TFCP2L1: variants seen among roughly 807,000 people sequenced by gnomAD.
TFCP2L1 encodes transcription factor CP2-like protein 1.
TFCP2L1 carries 12 observed loss-of-function variants against 72.2 expected under a neutral mutation model. The ratio of observed to expected loss-of-function variants is 0.17; its 90% CI spans 0.11 to 0.27. The LOEUF (loss-of-function observed/expected upper bound fraction) is 0.27. Ranked by LOEUF, TFCP2L1 falls within the 10% of genes least tolerant of loss-of-function variation. The pLI is 1.00. For synonymous variants in TFCP2L1, 260 were observed against 251.0 expected (o/e 1.04, Z -0.34); for missense variants, 488 against 624.6 (o/e 0.78, Z 2.33).
In TFCP2L1 at chr2:121,246,872, A is replaced by G. The variant is rs758011794; in HGVS notation, c.603T>C (p.Asn201=). The change falls in exon 6 of 15, where the codon AAT becomes AAC. Residue 201 remains asparagine, a synonymous_variant. Coordinates refer to ENST00000263707, the MANE Select transcript of TFCP2L1 (RefSeq NM_014553.3). ...AGTGCAGGTGCTCCGTGTACTCCCC[A>G]TTCTCGTTCTGCTTAAACGTGTCAA... The part of the protein sequence containing the change: ...VQIDTFKQNE[N]GEYTEHLHSA... 6.2e-7 allele frequency: 1 copy of G among 1,614,100 alleles called. No individual in the cohort carries two copies.
intron 10 of TFCP2L1, among the ~76,000 whole-genome samples, chr2:121,236,622 C>T (rs2104677540): frequency 6.6e-6 from 1 of 152,296 alleles, no homozygotes; most frequent in South Asian, 2.1e-4. Context: ...TTCCTTTCCA[C>T]TGGGAGTAAA....
intron 13 of TFCP2L1, among the ~76,000 whole-genome samples, chr2:121,226,730 A>G (rs112597732): frequency 0.023 from 3,568 of 152,330 alleles, 150 homozygotes; most frequent in African/African-American, 0.08. Context: ...TCTGTAAAAC[A>G]GGGCTGATTT....
Position 121,235,113 on chromosome 2 carries a change from TC to T in TFCP2L1, c.1094+107del. On this transcript the variant is annotated intron_variant, in intron 11 of 14. Coordinates refer to ENST00000263707, the MANE Select transcript of TFCP2L1 (RefSeq NM_014553.3). ...TTGACCCCACACTGCAGGAGTCCTG[TC>T]CCCCCAGCCAGACCACCCACCATCC... The T allele has an allele frequency of 5.1e-6, 6 of 1,172,296 alleles. No individual in the cohort carries two copies. In the East Asian group the frequency reaches 7.2e-5, roughly 14 times the overall value. The allele number at this position is 1,172,296 out of a possible 1,614,324, so 72.6% of individuals were successfully genotyped here.
chr2:121,283,234 G>T (rs1558749949), intron 1 of TFCP2L1, among the ~76,000 whole-genome samples: 2 of 152,144 alleles, frequency 1.3e-5, no homozygotes, highest in South Asian at 4.1e-4. Flanking sequence ...AAACAGAAAG[G>T]GGGAAGGGAG....
At chr2:121,266,144 CTT>C (rs35281668) in intron 2 of TFCP2L1, among the ~76,000 whole-genome samples, 3,424 of 145,664 alleles carry the variant, frequency 0.024, 151 homozygotes, top group African/African-American at 0.081. Flanking sequence ...GGGATTTAAT[CTT>C]TTTTTTTTTT....
chr2:121,233,940 T>C, intron 12 of TFCP2L1, 151 bp downstream of exon 12: 4 of 687,376 alleles, frequency 5.8e-6, no homozygotes, highest in Non-Finnish European at 1.0e-5. Flanking sequence ...GCAAGGAGCA[T>C]GCACTAGGCT....
chr2:121,231,979 G>A lies in TFCP2L1; in HGVS notation c.1199-11C>T. ...AGATGGCGTGGTACACTGGGGGAAG[G>A]AGGAGCAAGTGCTGCTTTCCAAGTG... On this transcript the variant is annotated splice_polypyrimidine_tract_variant and intron_variant, in intron 12 of 14. Transcript: ENST00000263707. The A allele has an allele frequency of 6.4e-7, 1 of 1,573,846 alleles. No homozygotes were observed. The highest frequency in any genetic ancestry group is 8.7e-7 in the Non-Finnish European group (1 of 1,155,010).
In TFCP2L1 at chr2:121,249,013, C is replaced by A; in HGVS notation, c.366G>T (p.Trp122Cys). The A allele has an allele frequency of 1.2e-6, 2 of 1,603,624 alleles. No homozygotes were observed. Among genetic ancestry groups the A allele is most frequent in the Non-Finnish European group, 1.7e-6 (2 of 1,175,560 alleles). Residue 122 changes from tryptophan to cysteine, a missense_variant, in exon 4 of 15, where the codon TGG becomes TGT. By Grantham distance (215) the Trp-to-Cys change is radical. Transcript: ENST00000263707. ...CCAGGATCCGGTCCCCTGGCCGACT[C>A]CACCGCCAGCCCTCCAGCTGCTGGT... is the stretch of plus-strand genomic sequence containing the variant. ...TEHQQLEGWR[W>C]SRPGDRILDI...
At chr2:121,284,151 G>A (rs1018817783) in intron 1 of TFCP2L1, among the ~76,000 whole-genome samples, 1 of 152,184 alleles carries the variant, frequency 6.6e-6, no homozygotes, top group Non-Finnish European at 1.5e-5. Context: ...GGCTGTCAAT[G>A]CCTGTGACTC....
intron 6 of TFCP2L1, 60 bp downstream of exon 6, chr2:121,246,758 G>C: frequency 1.2e-6 from 2 of 1,601,496 alleles, no homozygotes; most frequent in African/African-American, 1.3e-5. Flanking sequence ...CTCTGTGGGC[G>C]AATGTGACCA....
Position 121,220,075 on chromosome 2 carries a change from A to G in TFCP2L1, c.*4266T>C, listed in dbSNP as rs1371122071. Reference sequence around the variant, plus strand: ...ACTTTCTCCCTCTGCTCCACTGACAACAGCCTAAGAGGCTTTTCCGTTTAT... The same window carrying G: ...ACTTTCTCCCTCTGCTCCACTGACAGCAGCCTAAGAGGCTTTTCCGTTTAT... On this transcript the variant is annotated 3_prime_UTR_variant, in exon 15 of 15. Coordinates refer to ENST00000263707, the MANE Select transcript of TFCP2L1 (RefSeq NM_014553.3). 1 of 150,990 alleles carries G rather than the reference A, an allele frequency of 6.6e-6. No individual in the cohort carries two copies. The highest frequency in any genetic ancestry group is 1.5e-5 in the Non-Finnish European group (1 of 67,896). The allele number at this position is 150,990 out of a possible 1,614,324, so 9.4% of individuals were successfully genotyped here. A position where few individuals can be genotyped will look rare whatever the true frequency, so the allele number is the denominator to read the frequency against.
intron 14 of TFCP2L1, among the ~76,000 whole-genome samples, chr2:121,224,693 T>C (rs1685987779): frequency 6.6e-6 from 1 of 152,116 alleles, no homozygotes; most frequent in African/African-American, 2.4e-5. Context: ...CCAAAGACAC[T>C]TGGTGGTGGC....
Position 121,249,096 on chromosome 2 carries a change from G to A in TFCP2L1, c.292-9C>T. 20 of 1,551,856 alleles carry A rather than the reference G, an allele frequency of 1.3e-5. No homozygotes were observed. Among genetic ancestry groups the A allele is most frequent in the Non-Finnish European group, 1.6e-5 (18 of 1,146,530 alleles). On this transcript the variant is annotated splice_polypyrimidine_tract_variant and intron_variant, in intron 3 of 14. Coordinates refer to ENST00000263707, the MANE Select transcript of TFCP2L1 (RefSeq NM_014553.3). ...ACCACACGGATGATGCTCTGGGGAG[G>A]GAGGCCAGCAGGGAAACAAGTGACC...
At chr2:121,237,561 G>A in intron 10 of TFCP2L1, 62 bp downstream of exon 10, 1 of 1,566,882 alleles carries the variant, frequency 6.4e-7, no homozygotes. Context: ...CCTGGAAGGT[G>A]GCCAGCCTTG....
At position 121,224,014 on chromosome 2, in the gene TFCP2L1, C is replaced by T. The variant is rs1685974532; in HGVS notation, c.*327G>A. ...CAGCACCAAGATACCCAATCAGCTT[C>T]CAACTAAGGGATGAGGGATTTCAGA... On this transcript the variant is annotated 3_prime_UTR_variant, in exon 15 of 15. Transcript: ENST00000263707. The T allele has an allele frequency of 5.5e-6, 2 of 366,430 alleles. No homozygotes were observed. The highest frequency in any genetic ancestry group is 7.6e-5 in the South Asian group (2 of 26,438). 22.7% of individuals were successfully genotyped at this position (366,430 alleles called of 1,614,324 possible). A position where few individuals can be genotyped will look rare whatever the true frequency, so the allele number is the denominator to read the frequency against.
rs1257150460 is a variant in TFCP2L1 at position 121,246,913 on chromosome 2, G to A, written c.562C>T (p.Pro188Ser). Residue 188 changes from proline (P) to serine (S), a missense_variant, in exon 6 of 15, where the codon CCC becomes TCC. Pro to Ser is a moderately conservative substitution (Grantham distance 74). Coordinates refer to ENST00000263707, the MANE Select transcript of TFCP2L1 (RefSeq NM_014553.3). The part of the protein sequence containing the change: ...PRKHGGEKGV[P>S]FRVQIDTFKQ... ...AACGTGTCAATCTGGACTCGAAAGG[G>A]CACTCCCTTCTCGCCCCCGTGCTTC... The A allele has an allele frequency of 6.2e-7, 1 of 1,614,134 alleles. No homozygotes were observed. Among genetic ancestry groups the A allele is most frequent in the Non-Finnish European group, 8.5e-7 (1 of 1,180,028 alleles).
intron 2 of TFCP2L1, among the ~76,000 whole-genome samples, chr2:121,257,259 C>G (rs1686745754): frequency 6.6e-6 from 1 of 152,030 alleles, no homozygotes; most frequent in South Asian, 2.1e-4. Flanking sequence ...TCAGGCTGAG[C>G]TGAGGCCCCC....
Position 121,285,069 on chromosome 2 carries a change from T to C in TFCP2L1, c.41A>G (p.His14Arg). 4 of 1,524,076 alleles carry C rather than the reference T, an allele frequency of 2.6e-6. No homozygotes were observed. The highest frequency in any genetic ancestry group is 3.5e-6 in the Non-Finnish European group (4 of 1,138,500). The allele number at this position is 1,524,076 out of a possible 1,614,324, so 94.4% of individuals were successfully genotyped here. The change falls in exon 1 of 15, where the codon CAC becomes CGC. Residue 14 changes from histidine to arginine, a missense_variant. Coordinates refer to ENST00000263707, the MANE Select transcript of TFCP2L1 (RefSeq NM_014553.3). ...WHTQPEHYNQHNSGSYLRDVL... is the reference protein window; with the variant it reads ...WHTQPEHYNQRNSGSYLRDVL... ...TTACCGCAGGTAGCTGCCGGAGTTG[T>C]GCTGGTTGTAGTGCTCGGGCTGCGT... is the stretch of plus-strand genomic sequence containing the variant.
chr2:121,276,658 A>C (rs1216952961), intron 2 of TFCP2L1, among the ~76,000 whole-genome samples: 3 of 151,972 alleles, frequency 2.0e-5, no homozygotes, highest in African/African-American at 7.2e-5. Flanking sequence ...AAGAAAGCCA[A>C]CAAAAAAAGT....
Sources: allele counts gnomAD v4.1 joint callset (sites outside exome capture counted in the v4.1 genomes callset), GRCh38; gene constraint gnomAD v4.1.1; transcripts MANE v1.5; gene names NCBI Gene and HGNC (gene_info 2026-07-23, HGNC 2026-07-21).